The following UBE4B variants were observed in gnomAD, a reference collection of about 807,000 sequenced individuals.
UBE4B encodes ubiquitin conjugation factor E4 B.
A neutral mutation model predicts 148.1 loss-of-function variants in UBE4B; 27 were observed. The observed-to-expected ratio is 0.18, with a 90% CI of 0.13 to 0.25. The LOEUF (loss-of-function observed/expected upper bound fraction) is 0.25. Ranked by LOEUF, UBE4B falls within the 10% of genes least tolerant of loss-of-function variation. The pLI, the probability that UBE4B is intolerant of heterozygous loss-of-function variation, is 1.00. For synonymous variants in UBE4B, 596 were observed against 619.3 expected, an observed-to-expected ratio of 0.96 and a Z score of 0.56; for missense variants, 1,170 against 1,662.4, an observed-to-expected ratio of 0.70 and a Z score of 5.15.
intron 23 of UBE4B, among the ~76,000 whole-genome samples, chr1:10,167,656 G>T (rs1312961407): frequency 1.4e-5 from 2 of 144,660 alleles, no homozygotes; most frequent in African/African-American, 5.2e-5. Context: ...ACAGTGGCGC[G>T]ATCTCAGCTC....
rs147716319 is a variant in UBE4B at position 10,049,434 on chromosome 1, G to A, written c.24+15740G>A. On this transcript the variant is annotated intron_variant, in intron 1 of 27. Coordinates refer to ENST00000343090, the MANE Select transcript of UBE4B (RefSeq NM_001105562.3). The stretch of plus-strand genomic sequence containing the variant: ...AAGATTTGAATTAGTCTTTAAAGAT[G>A]ACTAGGATTTTGACAATTAGAACAC... Among the ~76,000 whole-genome samples, 177 of 152,232 alleles carry A rather than the reference G, an allele frequency of 1.2e-3. No homozygotes were observed. In the Middle Eastern group the frequency reaches 0.014, roughly 12 times the overall value.
At chr1:10,122,559 A>T (rs555021181) in intron 10 of UBE4B, among the ~76,000 whole-genome samples, 1 of 152,280 alleles carries the variant, frequency 6.6e-6, no homozygotes, top group African/African-American at 2.4e-5. Context: ...TAATTATTTC[A>T]TTTGGTATTT....
At chr1:10,105,839 C>A in intron 6 of UBE4B, 95 bp downstream of exon 6, 1 of 1,252,642 alleles carries the variant, frequency 8.0e-7, no homozygotes, top group Non-Finnish European at 1.1e-6. Context: ...TAATCAGTGT[C>A]ATACAGGGTA....
At chr1:10,094,714 G>A (rs1282301864) in intron 2 of UBE4B, among the ~76,000 whole-genome samples, 1 of 152,102 alleles carries the variant, frequency 6.6e-6, no homozygotes, top group African/African-American at 2.4e-5. Context: ...GATTACAGGT[G>A]TGAGCCACCA....
At chr1:10,159,315 T>C (rs190066865) in intron 22 of UBE4B, among the ~76,000 whole-genome samples, 2 of 152,268 alleles carry the variant, frequency 1.3e-5, no homozygotes, top group East Asian at 3.9e-4. Context: ...AAATTATCTG[T>C]CAGTGCCTAA....
chr1:10,134,460 G>A (rs571181375), intron 15 of UBE4B, among the ~76,000 whole-genome samples: 47 of 152,002 alleles, frequency 3.1e-4, no homozygotes, highest in African/African-American at 8.4e-4. Context: ...TGTAGTGAGC[G>A]AGGATCGTGC....
intron 7 of UBE4B, among the ~76,000 whole-genome samples, chr1:10,108,954 T>C (rs1645167673): frequency 6.6e-6 from 1 of 152,214 alleles, no homozygotes; most frequent in South Asian, 2.1e-4. Flanking sequence ...TATTTAGTTG[T>C]GACTTTCTCT....
chr1:10,037,693 T>C (rs1643594608), intron 1 of UBE4B, among the ~76,000 whole-genome samples: 1 of 151,912 alleles, frequency 6.6e-6, no homozygotes, highest in Non-Finnish European at 1.5e-5. Context: ...AAGCTGAGAC[T>C]ACAGGCTCAT....
chr1:10,037,783 T>C (rs1643597686), intron 1 of UBE4B, among the ~76,000 whole-genome samples: 1 of 151,910 alleles, frequency 6.6e-6, no homozygotes, highest in Non-Finnish European at 1.5e-5. Flanking sequence ...CTCAAACTCC[T>C]GGGCTCAAGT....
intron 5 of UBE4B, among the ~76,000 whole-genome samples, chr1:10,103,403 ATT>A (rs1645048665): frequency 5.1e-4 from 1 of 1,948 alleles, no homozygotes; most frequent in Non-Finnish European, 3.1e-3. Flanking sequence ...CCTCCTCTTT[ATT>A]TATTTATTTA....
At chr1:10,173,314 T>C (rs1004818273) in intron 25 of UBE4B, among the ~76,000 whole-genome samples, 2 of 151,004 alleles carry the variant, frequency 1.3e-5, no homozygotes, top group Non-Finnish European at 3.0e-5. Context: ...CCGTCTCTAC[T>C]AAAAAAAATA....
At chr1:10,107,951 A>G (rs1645144962) in intron 7 of UBE4B, among the ~76,000 whole-genome samples, 1 of 152,180 alleles carries the variant, frequency 6.6e-6, no homozygotes, top group Non-Finnish European at 1.5e-5. Context: ...AAAAGCATGA[A>G]AACAGATTAA....
chr1:10,107,327 A>AGGT (rs1235271813), intron 7 of UBE4B: 13 of 1,289,274 alleles, frequency 1.0e-5, no homozygotes, highest in East Asian at 5.6e-5. Context: ...GTGATGATGA[A>AGGT]GGTGGTGGTG....
chr1:10,089,502 T>TAAAAAAA (rs1644814050), intron 2 of UBE4B, among the ~76,000 whole-genome samples: 1 of 137,474 alleles, frequency 7.3e-6, no homozygotes, highest in Non-Finnish European at 1.6e-5. Flanking sequence ...AACATGTCTC[T>TAAAAAAA]GAAAAAAAAA....
chr1:10,118,443 T>C (rs1273657558), intron 8 of UBE4B, among the ~76,000 whole-genome samples: 1 of 152,116 alleles, frequency 6.6e-6, no homozygotes, highest in East Asian at 1.9e-4. Context: ...GTTCAAGCAA[T>C]TCTCCTGCCT....
chr1:10,064,857 G>A (rs566631205), intron 1 of UBE4B, among the ~76,000 whole-genome samples: 3 of 151,586 alleles, frequency 2.0e-5, no homozygotes, highest in African/African-American at 4.8e-5. Context: ...TCCACCTCCC[G>A]GGTTCAAGCA....
chr1:10,067,158 A>G (rs75011205), intron 1 of UBE4B, among the ~76,000 whole-genome samples: 3,912 of 152,170 alleles, frequency 0.026, 160 homozygotes, highest in African/African-American at 0.09. Context: ...TGCAATCACA[A>G]TGGCCTTCAC....
At chr1:10,071,794 T>C (rs1240324100) in intron 1 of UBE4B, among the ~76,000 whole-genome samples, 1 of 152,154 alleles carries the variant, frequency 6.6e-6, no homozygotes, top group Non-Finnish European at 1.5e-5. Context: ...CCCTCCCAAG[T>C]AGCTGAGACT....
rs1199247922 is a variant in UBE4B, at chr1:10,168,707, A to G, written c.3333+437A>G. On this transcript the variant is annotated intron_variant, in intron 24 of 27. Coordinates refer to ENST00000343090, the MANE Select transcript of UBE4B (RefSeq NM_001105562.3). The surrounding 1 kb of genome is among the most constrained non-coding windows in gnomAD (Gnocchi z 4.9). ...GGAGATGGAGACCATCCTGGCTAAC[A>G]CAGTGAAACCCCATCTCTACTAAAA... is the stretch of plus-strand genomic sequence containing the variant. 6.6e-6 allele frequency among the ~76,000 whole-genome samples: 1 copy of G among 152,184 alleles called. No homozygotes were observed. Among genetic ancestry groups the G allele is most frequent in the Non-Finnish European group, 1.5e-5 (1 of 68,030 alleles).
Sources: gnomAD v4.1 joint callset for allele counts (sites outside exome capture counted in the v4.1 genomes callset) on GRCh38, gnomAD v4.1.1 for gene constraint, Gnocchi (gnomAD v3.1) non-coding constraint, MANE v1.5 for transcripts, NCBI Gene and HGNC (gene_info 2026-07-23, HGNC 2026-07-21) for gene names.